The following PTH2R variants were observed in gnomAD, a reference collection of about 807,000 sequenced individuals.
PTH2R encodes the protein PTH2 receptor.
Under a neutral mutation model 60.3 loss-of-function variants are expected in PTH2R, and 59 were observed. The observed-to-expected ratio is 0.98, with a 90% CI of 0.79 to 1.22. The LOEUF (loss-of-function observed/expected upper bound fraction) is 1.22. Among genes scored for constraint, PTH2R ranks in the 50% most tolerant of loss-of-function variants. The probability of loss-of-function intolerance (pLI) is 0.00; values close to 1 mark genes in which losing one functional copy is unlikely to be tolerated. For missense variants in PTH2R, 749 were observed against 682.6 expected, an observed-to-expected ratio of 1.10 and a Z score of -1.08; for synonymous variants, 256 against 243.8, an observed-to-expected ratio of 1.05 and a Z score of -0.47.
chr2:208,469,237 A>G (rs1024645534), intron 9 of PTH2R, among the ~76,000 whole-genome samples: 3 of 152,204 alleles, frequency 2.0e-5, no homozygotes, highest in Non-Finnish European at 4.4e-5. Flanking sequence ...TTAGGATATA[A>G]AGTTGTTTTT....
chr2:208,489,231 C>T (rs1703348192), intron 11 of PTH2R, 81 bp downstream of exon 11: 4 of 1,552,250 alleles, frequency 2.6e-6, no homozygotes, highest in Non-Finnish European at 3.5e-6. Context: ...TTTTTCTCTG[C>T]ACTCTCTCTG....
At chr2:208,400,583 T>C (rs1016453311) in intron 1 of PTH2R, among the ~76,000 whole-genome samples, 11 of 152,218 alleles carry the variant, frequency 7.2e-5, no homozygotes, top group African/African-American at 2.7e-4. Context: ...GTGGTTATTT[T>C]GGTATTAGGT....
intron 1 of PTH2R, among the ~76,000 whole-genome samples, chr2:208,418,350 T>G (rs1701684387): frequency 6.7e-6 from 1 of 149,274 alleles, no homozygotes; most frequent in Non-Finnish European, 1.5e-5. Flanking sequence ...ATGCATGATT[T>G]CTTTTGCACT....
chr2:208,458,157 T>C (rs1702552834), intron 8 of PTH2R, among the ~76,000 whole-genome samples: 1 of 152,152 alleles, frequency 6.6e-6, no homozygotes, highest in African/African-American at 2.4e-5. Flanking sequence ...TGGGTGAGCA[T>C]GAGTAAAACT....
At chr2:208,471,770 G>A (rs1381682099) in intron 9 of PTH2R, among the ~76,000 whole-genome samples, 1 of 152,164 alleles carries the variant, frequency 6.6e-6, no homozygotes, top group Non-Finnish European at 1.5e-5. Flanking sequence ...CCCCAGAATG[G>A]TAGCTCCACC....
At chr2:208,431,443 G>A (rs1007385403) in intron 2 of PTH2R, among the ~76,000 whole-genome samples, 1 of 152,112 alleles carries the variant, frequency 6.6e-6, no homozygotes, top group Non-Finnish European at 1.5e-5. Context: ...CAACTCATGA[G>A]GTTCTTGTTT....
chr2:208,369,598 T>C (rs1574811629), intron 1 of PTH2R, among the ~76,000 whole-genome samples: 1 of 151,992 alleles, frequency 6.6e-6, no homozygotes, highest in Non-Finnish European at 1.5e-5. Flanking sequence ...CCTCAAGTGA[T>C]CCGCCAGCCT....
At chr2:208,410,702 A>G (rs536166625) in intron 1 of PTH2R, among the ~76,000 whole-genome samples, 1 of 152,368 alleles carries the variant, frequency 6.6e-6, no homozygotes, top group East Asian at 1.9e-4. Context: ...ATTTACATAC[A>G]TTAAAATACA....
chr2:208,494,053 T>A lies in PTH2R; in HGVS notation c.*394T>A. The A allele has an allele frequency of 6.4e-6, 1 of 156,820 alleles. No homozygotes were observed. Among genetic ancestry groups the A allele is most frequent in the Non-Finnish European group, 1.4e-5 (1 of 71,418 alleles). The allele number at this position is 156,820 out of a possible 1,614,324, so 9.7% of individuals were successfully genotyped here. ...TTCCTTTTAGAAACTAGTATTCTCT[T>A]ATTTCTTACTTTAATGTACTTCTAT... is the stretch of plus-strand genomic sequence containing the variant. On this transcript the variant is annotated 3_prime_UTR_variant, in exon 13 of 13. Coordinates refer to ENST00000272847, the MANE Select transcript of PTH2R (RefSeq NM_005048.4).
intron 9 of PTH2R, among the ~76,000 whole-genome samples, chr2:208,477,387 G>A (rs1703029259): frequency 6.6e-6 from 1 of 152,156 alleles, no homozygotes; most frequent in African/African-American, 2.4e-5. Flanking sequence ...GACAGCCTGA[G>A]CAGCCGGCAC....
At chr2:208,380,823 C>T (rs976266454) in intron 1 of PTH2R, among the ~76,000 whole-genome samples, 1 of 152,082 alleles carries the variant, frequency 6.6e-6, no homozygotes, top group Non-Finnish European at 1.5e-5. Context: ...ACCTAAGCCA[C>T]CACTCCAGTA....
intron 1 of PTH2R, among the ~76,000 whole-genome samples, chr2:208,379,197 C>A (rs1001414499): frequency 6.6e-6 from 1 of 152,128 alleles, no homozygotes; most frequent in African/African-American, 2.4e-5. Flanking sequence ...ATTTGGGCAG[C>A]AGCTGGTTTC....
chr2:208,473,698 G>T (rs1471154648), intron 9 of PTH2R, among the ~76,000 whole-genome samples: 1 of 152,078 alleles, frequency 6.6e-6, no homozygotes, highest in Non-Finnish European at 1.5e-5. Context: ...CTTTATTGGT[G>T]CCTAGGAAAT....
chr2:208,388,159 A>G (rs1208936337), intron 1 of PTH2R, among the ~76,000 whole-genome samples: 1 of 151,148 alleles, frequency 6.6e-6, no homozygotes, highest in East Asian at 1.9e-4. Context: ...TACTAAAAAT[A>G]CAAAAAATTA....
At position 208,365,940 on chromosome 2, in the gene PTH2R, ATATATATATATATATATATATTTT is replaced by A. The variant is rs1340678917; in HGVS notation, c.-259+5705_-259+5728del. The stretch of plus-strand genomic sequence containing the variant: ...TAATATAATAGATAAATATATATAT[ATATATATATATATATATATATTTT>A]TTTTTTTTTTTTTTTTTTTTTTTTT... On this transcript the variant is annotated intron_variant, in intron 1 of 12. Transcript: ENST00000617735. Among the ~76,000 whole-genome samples, 24 of 13,506 alleles carry A rather than the reference ATATATATATATATATATATATTTT, an allele frequency of 1.8e-3. 1 individual carries two copies. The highest frequency in any genetic ancestry group is 5.1e-3 in the African/African-American group (22 of 4,284). The allele number at this position is 13,506 out of a possible 152,430, so 8.9% of individuals were successfully genotyped here.
intron 1 of PTH2R, among the ~76,000 whole-genome samples, chr2:208,425,134 T>G (rs139138642): frequency 2.2e-4 from 34 of 152,280 alleles, no homozygotes; most frequent in Non-Finnish European, 4.7e-4. Flanking sequence ...AATAATTACA[T>G]AAGATTGAAT....
chr2:208,488,375 A>C lies in PTH2R; in HGVS notation c.1077-637A>C, dbSNP rs188836978. ...GGGAGTAATTGATTTTAAAATGAAC[A>C]AAATAAGCTAAACTACTTCTATGAA... On this transcript the variant is annotated intron_variant, in intron 10 of 12. Coordinates refer to ENST00000272847, the MANE Select transcript of PTH2R (RefSeq NM_005048.4). 4.6e-5 allele frequency among the ~76,000 whole-genome samples: 7 copies of C among 152,356 alleles called. No homozygotes were observed. In the South Asian group the frequency reaches 1.5e-3, roughly 32 times the overall value.
intron 1 of PTH2R, among the ~76,000 whole-genome samples, chr2:208,409,548 A>C (rs919211068): frequency 1.3e-5 from 2 of 152,186 alleles, no homozygotes. Flanking sequence ...CAGATATTTC[A>C]AAAAAATTAT....
intron 1 of PTH2R, 70 bp downstream of exon 1, chr2:208,407,188 G>T: frequency 7.7e-7 from 1 of 1,302,400 alleles, no homozygotes. Flanking sequence ...TAGCGACACG[G>T]AGGCCAGGTG....
Sources: gnomAD v4.1 joint callset for allele counts (sites outside exome capture counted in the v4.1 genomes callset) on GRCh38, gnomAD v4.1.1 for gene constraint, MANE v1.5 for transcripts, NCBI Gene and HGNC (gene_info 2026-07-23, HGNC 2026-07-21) for gene names.